Variants in ADAMTSL2 observed in about 807,000 individuals in gnomAD.
ADAMTSL2 encodes the protein ADAMTS like 2.
In ADAMTSL2, 55 loss-of-function variants were observed where a neutral mutation model predicts 117.0. The ratio of observed to expected loss-of-function variants is 0.47; its 90% CI spans 0.38 to 0.59. ADAMTSL2 has a LOEUF of 0.59. Ranked by LOEUF, ADAMTSL2 falls within the 20% of genes least tolerant of loss-of-function variation. ADAMTSL2 has a pLI of 0.00. For missense variants in ADAMTSL2, 1,182 were observed against 1,354.5 expected (o/e 0.87, Z 2.00); for synonymous variants, 572 against 566.4 (o/e 1.01, Z -0.14).
At chr9:133,555,367 A>T (rs1267984786) in intron 10 of ADAMTSL2, among the ~76,000 whole-genome samples, 191 bp from the exon 11 acceptor site, 2 of 152,082 alleles carry the variant, frequency 1.3e-5, no homozygotes, top group South Asian at 4.2e-4. Context: ...TCAGCAAGAG[A>T]TGATCCAGGC....
rs376182577 is a variant in ADAMTSL2 at position 133,540,641 on chromosome 9, T to C, written c.456T>C (p.Cys152=). 67 of 1,613,548 alleles carry C rather than the reference T, an allele frequency of 4.2e-5. No homozygotes were observed. The highest frequency in any genetic ancestry group is 5.3e-5 in the Non-Finnish European group (63 of 1,180,028). The part of the protein sequence containing the change: ...HISSKPCDLH[C]TTVDGQRQLM... ...CCAGCAAACCGTGTGACCTGCACTG[T>C]ACCACCGTGGACGGCCAGCGGCAGC... Residue 152 remains cysteine (C), a synonymous_variant, in exon 6 of 19, where the codon TGT becomes TGC. Transcript: ENST00000651351.
intron 15 of ADAMTSL2, 37 bp from the exon 16 acceptor site, chr9:133,569,371 C>A: frequency 1.2e-6 from 2 of 1,608,362 alleles, no homozygotes; most frequent in Non-Finnish European, 1.7e-6. Context: ...GTGGCTGCCT[C>A]TCACTGGATG....
intron 14 of ADAMTSL2, 25 bp downstream of exon 14, chr9:133,568,511 G>A (rs1197883137): frequency 4.4e-6 from 7 of 1,585,234 alleles, no homozygotes; most frequent in East Asian, 2.3e-5. Flanking sequence ...GAGCAAGCCG[G>A]GGGTCGGGAA....
At chr9:133,568,226 C>A in intron 13 of ADAMTSL2, 47 bp from the exon 14 acceptor site, 1 of 1,533,838 alleles carries the variant, frequency 6.5e-7, no homozygotes, top group South Asian at 1.2e-5. Context: ...CATGGGGTCC[C>A]GGCTGCCATG....
At chr9:133,564,625 G>GGAGAGAGAGAGAGA (rs377193081) in intron 12 of ADAMTSL2, among the ~76,000 whole-genome samples, 1 of 20,658 alleles carries the variant, frequency 4.8e-5, no homozygotes, top group Non-Finnish European at 1.0e-4. Context: ...AGAGAGAGAG[G>GGAGAGAGAGAGAGA]GAGAGAGAGA....
chr9:133,570,643 G>GGGAA, intron 17 of ADAMTSL2, 136 bp downstream of exon 17: 1 of 997,720 alleles, frequency 1.0e-6, no homozygotes, highest in Non-Finnish European at 1.5e-6. Flanking sequence ...TTTCCTTCCC[G>GGGAA]GGAAAGCTTC....
chr9:133,537,542 G>A lies in ADAMTSL2; in HGVS notation c.228G>A (p.Gln76=), dbSNP rs1319447414. The part of the protein sequence containing the change: ...GVTSQERHCL[Q]QRRKSVPGPG... The stretch of plus-strand genomic sequence containing the variant: ...CATCCCAGGAGCGGCACTGCCTGCA[G>A]CAGAGGTGCGAGGTTGGGCACGTGG... Residue 76 remains glutamine, a synonymous_variant, in exon 3 of 19, where the codon CAG becomes CAA. Transcript: ENST00000651351. 6 of 1,350,046 alleles carry A rather than the reference G, an allele frequency of 4.4e-6. No homozygotes were observed. The highest frequency in any genetic ancestry group is 1.5e-5 in the African/African-American group (1 of 66,762). The allele number at this position is 1,350,046 out of a possible 1,614,324, so 83.6% of individuals were successfully genotyped here.
intron 1 of ADAMTSL2, among the ~76,000 whole-genome samples, chr9:133,536,118 G>A (rs918931607): frequency 6.6e-6 from 1 of 152,222 alleles, no homozygotes. Flanking sequence ...GATGCTGACT[G>A]TGGAGCTGCT....
chr9:133,568,607 C>T lies in ADAMTSL2; in HGVS notation c.2093C>T (p.Thr698Ile). The change falls in exon 15 of 19, where the codon ACT becomes ATT. Residue 698 changes from threonine (T) to isoleucine (I), a missense_variant. Around this residue, in one of 3 missense-constraint regions of ADAMTSL2, gnomAD observed 465 missense variants for 565.3 expected, o/e 0.82. Transcript: ENST00000651351. Reference protein sequence around the residue: ...QWEMSEWSECTAKCGERSVVT... With the variant: ...QWEMSEWSECIAKCGERSVVT... ...CCCCTCCCCCTGCCGCCCCAGTGCA[C>T]TGCCAAGTGTGGGGAGCGCAGTGTG... 3 of 1,602,974 alleles carry T rather than the reference C, an allele frequency of 1.9e-6. No homozygotes were observed. The highest frequency in any genetic ancestry group is 1.7e-6 in the Non-Finnish European group (2 of 1,175,540).
intron 11 of ADAMTSL2, among the ~76,000 whole-genome samples, chr9:133,559,152 G>A (rs1409698248): frequency 1.3e-5 from 2 of 152,198 alleles, no homozygotes; most frequent in Non-Finnish European, 2.9e-5. Context: ...TTGAAAGTAG[G>A]TGGGGAACTG....
intron 17 of ADAMTSL2, among the ~76,000 whole-genome samples, chr9:133,572,161 C>T (rs1197959577): frequency 1.3e-5 from 2 of 151,404 alleles, no homozygotes; most frequent in African/African-American, 2.4e-5. Flanking sequence ...GTCTGGCCTC[C>T]ACCCTGCCCC....
At chr9:133,571,550 G>C (rs927763224) in intron 17 of ADAMTSL2, among the ~76,000 whole-genome samples, 1 of 152,174 alleles carries the variant, frequency 6.6e-6, no homozygotes, top group Admixed American at 6.5e-5. Flanking sequence ...TGGGGCCTCC[G>C]GGTGACTCCA....
chr9:133,563,554 CGCTGGCAAGGGGCCTGATGGGCAGCCCT>C (rs1830799222), intron 12 of ADAMTSL2, among the ~76,000 whole-genome samples: 1 of 152,118 alleles, frequency 6.6e-6, no homozygotes, highest in Admixed American at 6.5e-5. Context: ...GAGGCAGCCT[CGCTGGCAAGGGGCCTGATGGGCAGCCCT>C]GCGTGGAAGA....
In ADAMTSL2 at chr9:133,569,423, G is replaced by C. The variant is rs993054634; in HGVS notation, c.2260G>C (p.Gly754Arg). The C allele has an allele frequency of 3.7e-6, 6 of 1,613,416 alleles. No homozygotes were observed. The highest frequency in any genetic ancestry group is 2.2e-5 in the East Asian group (1 of 44,880). ...TCCCCTGCAGTGCAGTGGAAGCTGCGGGCAAGGCCGCACCATCAGGCACGT... is the reference window on the plus strand; with the variant it reads ...TCCCCTGCAGTGCAGTGGAAGCTGCCGGCAAGGCCGCACCATCAGGCACGT... ...SDWGPCSGSCGQGRTIRHVYC... is the reference protein window; with the variant it reads ...SDWGPCSGSCRQGRTIRHVYC... Residue 754 changes from glycine to arginine, a missense_variant, in exon 16 of 19, where the codon GGG becomes CGG. This residue lies in a region of ADAMTSL2 where 465 missense variants were observed against 565.3 expected (regional missense o/e 0.82). Coordinates refer to ENST00000651351, the MANE Select transcript of ADAMTSL2 (RefSeq NM_014694.4).
At chr9:133,537,352 T>A in intron 2 of ADAMTSL2, 53 bp from the exon 3 acceptor site, 1 of 1,328,304 alleles carries the variant, frequency 7.5e-7, no homozygotes, top group East Asian at 2.8e-5. Context: ...GGGGGCAGGC[T>A]GGTCCTCCTG....
rs372909685 is a variant in ADAMTSL2, at chr9:133,538,359, G to A, written c.244G>A (p.Val82Ile). The A allele has an allele frequency of 2.2e-5, 36 of 1,613,258 alleles. No individual in the cohort carries two copies. The African/African-American group carries it at 2.3e-4, about 10-fold the overall frequency. The change falls in exon 4 of 19, where the codon GTC becomes ATC. Residue 82 changes from valine (V) to isoleucine (I), a missense_variant. This residue lies in a region of ADAMTSL2 where 372 missense variants were observed against 463.4 expected (regional missense o/e 0.80). Coordinates refer to ENST00000651351, the MANE Select transcript of ADAMTSL2 (RefSeq NM_014694.4). ...GCATCTTTCTGCCAGGAGGAAGTCC[G>A]TCCCGGGCCCCGGGAACAGGACCTG... The part of the protein sequence containing the change: ...RHCLQQRRKS[V>I]PGPGNRTCTG...
At chr9:133,553,608 C>T (rs978124651) in intron 9 of ADAMTSL2, among the ~76,000 whole-genome samples, 3 of 152,322 alleles carry the variant, frequency 2.0e-5, no homozygotes, top group East Asian at 3.9e-4. Flanking sequence ...CACTGTCTTC[C>T]GGGGGTCTCT....
rs765000389 is a variant in ADAMTSL2, at chr9:133,556,067, C to T, written c.1649+137C>T. On this transcript the variant is annotated intron_variant, in intron 11 of 18. Coordinates refer to ENST00000651351, the MANE Select transcript of ADAMTSL2 (RefSeq NM_014694.4). ...CCTAGAGGTAGAGGAGAGAGGGCCC[C>T]TTCTTCCCGGGGTTCTCCACTCGCT... 5.5e-3 allele frequency: 6,542 copies of T among 1,186,234 alleles called. 30 individuals carry two copies. The highest frequency in any genetic ancestry group is 0.025 in the Middle Eastern group (86 of 3,434). 73.5% of individuals were successfully genotyped at this position (1,186,234 alleles called of 1,614,324 possible). A position where few individuals can be genotyped will look rare whatever the true frequency, so the allele number is the denominator to read the frequency against.
At chr9:133,568,843 T>C (rs947630691) in intron 15 of ADAMTSL2, 85 bp downstream of exon 15, 2 of 1,577,598 alleles carry the variant, frequency 1.3e-6, no homozygotes, top group Non-Finnish European at 1.7e-6. Flanking sequence ...GTTTCCATTT[T>C]TTTCCGAGGC....
Sources: allele counts gnomAD v4.1 joint callset (sites outside exome capture counted in the v4.1 genomes callset), GRCh38; gene constraint gnomAD v4.1.1; regional missense constraint gnomAD v4.1.1; transcripts MANE v1.5; gene names NCBI Gene and HGNC (gene_info 2026-07-23, HGNC 2026-07-21).